Variants in RGS6 observed in about 807,000 individuals in gnomAD.
RGS6 encodes the protein regulator of G protein signaling 6.
Under a neutral mutation model 78.5 loss-of-function variants are expected in RGS6, and 30 were observed. That is an observed-to-expected ratio of 0.38 (90% CI 0.29 to 0.52). RGS6 has a LOEUF of 0.52. Among genes scored for constraint, RGS6 ranks in the 20% least tolerant of loss-of-function variants. RGS6 has a pLI of 0.85. For missense variants in RGS6, 495 were observed against 609.7 expected (o/e 0.81, Z 1.98); for synonymous variants, 206 against 206.0 (o/e 1.00, Z 0.00).
intron 17 of RGS6, 63 bp downstream of exon 17, chr14:72,540,157 C>CT (rs56953388): frequency 0.094 from 115,920 of 1,234,276 alleles, 49 homozygotes; most frequent in Non-Finnish European, 0.11. Flanking sequence ...CTTTCTTCTT[C>CT]TTTTTTTTTT....
At chr14:72,384,898 C>T (rs1451564292) in intron 3 of RGS6, among the ~76,000 whole-genome samples, 3 of 152,096 alleles carry the variant, frequency 2.0e-5, no homozygotes, top group African/African-American at 7.2e-5. Context: ...TTACAGGCTT[C>T]CGCCACCACA....
At chr14:71,884,735 T>C in the RGS6 span, among the ~76,000 whole-genome samples, 48 of 152,204 alleles carry the variant, frequency 3.2e-4, no homozygotes, top group Non-Finnish European at 8.8e-5. Flanking sequence ...TTTTCCACCT[T>C]TGCATGCCCA....
chr14:71,962,745 G>C (rs2093290059), intron 1 of RGS6, among the ~76,000 whole-genome samples: 1 of 152,178 alleles, frequency 6.6e-6, no homozygotes, highest in Non-Finnish European at 1.5e-5. Flanking sequence ...GAAGAAAGCA[G>C]GTAGTGTTAT....
chr14:72,168,346 T>C (rs572251945), intron 2 of RGS6, among the ~76,000 whole-genome samples: 160 of 152,252 alleles, frequency 1.1e-3, no homozygotes, highest in Non-Finnish European at 1.0e-4. Flanking sequence ...GAAAGGCTCC[T>C]TCAGGCCCTG....
In RGS6 at chr14:72,551,676, G is replaced by A. The variant is rs1033663836; in HGVS notation, c.1423-10741G>A. Among the ~76,000 whole-genome samples the A allele has an allele frequency of 2.6e-5, 4 of 152,098 alleles. No homozygotes were observed. The East Asian group carries it at 5.8e-4, about 22-fold the overall frequency. On this transcript the variant is annotated intron_variant, in intron 17 of 17. Coordinates refer to ENST00000553525, the MANE Select transcript of RGS6 (RefSeq NM_001204424.2). ...CTCCACCTGATATTATGTGACCCTGGGCAAGTCACTTGCATGTCTGACAGG... is the reference window on the plus strand; with the variant it reads ...CTCCACCTGATATTATGTGACCCTGAGCAAGTCACTTGCATGTCTGACAGG...
the RGS6 span, among the ~76,000 whole-genome samples, chr14:71,914,939 G>A: frequency 8.6e-5 from 13 of 151,756 alleles, no homozygotes; most frequent in African/African-American, 1.7e-4. Context: ...CAGATGTGAC[G>A]TTCATCTGGA....
chr14:72,224,656 G>A (rs895288905), intron 2 of RGS6, among the ~76,000 whole-genome samples: 3 of 151,880 alleles, frequency 2.0e-5, no homozygotes, highest in African/African-American at 4.8e-5. Flanking sequence ...GTTTTTTTAG[G>A]ACACTGTACA....
At chr14:72,453,615 CAAAAA>C (rs60280790) in intron 3 of RGS6, among the ~76,000 whole-genome samples, 2 of 52,064 alleles carry the variant, frequency 3.8e-5, no homozygotes, top group Non-Finnish European at 7.8e-5. Context: ...GACTCCGTCT[CAAAAA>C]AAAAAAAAAA....
intron 3 of RGS6, among the ~76,000 whole-genome samples, chr14:72,451,742 CAGAAA>C (rs1439657472): frequency 6.6e-6 from 1 of 151,852 alleles, no homozygotes; most frequent in African/African-American, 2.4e-5. Flanking sequence ...AGGCAACCCA[CAGAAA>C]AGAACTATTT....
chr14:72,125,506 C>T (rs990628457), intron 2 of RGS6, among the ~76,000 whole-genome samples: 18 of 152,120 alleles, frequency 1.2e-4, no homozygotes, highest in Non-Finnish European at 1.8e-4. Context: ...AGACAACAAG[C>T]TTTGCAGTAG....
intron 2 of RGS6, among the ~76,000 whole-genome samples, chr14:72,143,369 T>C (rs2096566346): frequency 6.6e-6 from 1 of 152,018 alleles, no homozygotes; most frequent in Non-Finnish European, 1.5e-5. Context: ...TGAGACTCCA[T>C]CTCAAAAAAA....
At chr14:72,223,093 T>A (rs141284646) in intron 2 of RGS6, among the ~76,000 whole-genome samples, 76 of 152,338 alleles carry the variant, frequency 5.0e-4, no homozygotes, top group African/African-American at 1.7e-3. Flanking sequence ...GCAAAGACTT[T>A]CCCTTCAAGA....
intron 2 of RGS6, among the ~76,000 whole-genome samples, chr14:72,272,371 TTC>T (rs1410609096): frequency 6.6e-6 from 1 of 152,176 alleles, no homozygotes; most frequent in Non-Finnish European, 1.5e-5. Context: ...GGATTTTAGC[TTC>T]TCTCCTTCAA....
the RGS6 span, among the ~76,000 whole-genome samples, chr14:71,916,700 G>A: frequency 7.2e-5 from 11 of 152,282 alleles, no homozygotes; most frequent in South Asian, 4.2e-4. Context: ...AAGCACCCCC[G>A]GGGTAAACTT....
At chr14:72,217,514 A>G (rs574414677) in intron 2 of RGS6, among the ~76,000 whole-genome samples, 6 of 152,282 alleles carry the variant, frequency 3.9e-5, no homozygotes, top group African/African-American at 1.4e-4. Flanking sequence ...CATTTTGTTT[A>G]TATTCAACTG....
chr14:72,548,988 T>C (rs1260947625), intron 17 of RGS6, among the ~76,000 whole-genome samples: 2 of 152,222 alleles, frequency 1.3e-5, no homozygotes, highest in African/African-American at 4.8e-5. Context: ...CAACTGGAAT[T>C]CTATGCTGCC....
intron 2 of RGS6, among the ~76,000 whole-genome samples, chr14:72,026,719 C>G: frequency 6.6e-6 from 1 of 152,350 alleles, no homozygotes; most frequent in African/African-American, 2.4e-5. Context: ...CTCACAGACA[C>G]TGTTTGGCCA....
chr14:72,036,445 G>A (rs566047186), intron 2 of RGS6, among the ~76,000 whole-genome samples: 9 of 151,760 alleles, frequency 5.9e-5, no homozygotes, highest in South Asian at 2.1e-4. Flanking sequence ...TGAGTCAACC[G>A]GTAGATGTGC....
chr14:72,243,582 C>T (rs1204951467), intron 2 of RGS6, among the ~76,000 whole-genome samples: 3 of 152,168 alleles, frequency 2.0e-5, no homozygotes, highest in Non-Finnish European at 4.4e-5. Context: ...GTCTTAAAGG[C>T]ATAAATCACT....
Sources: gnomAD v4.1 joint callset for allele counts (sites outside exome capture counted in the v4.1 genomes callset) on GRCh38, gnomAD v4.1.1 for gene constraint, MANE v1.5 for transcripts, NCBI Gene and HGNC (gene_info 2026-07-23, HGNC 2026-07-21) for gene names.